Variants in LDAF1 observed in about 807,000 individuals in gnomAD.
LDAF1 encodes the protein lipid droplet assembly factor 1.
Under a neutral mutation model 13.5 loss-of-function variants are expected in LDAF1, and 7 were observed. The ratio of observed to expected loss-of-function variants is 0.52; its 90% CI spans 0.29 to 0.97. LDAF1 has a LOEUF of 0.97. Among genes scored for constraint, LDAF1 ranks in the 50% least tolerant of loss-of-function variants. LDAF1 has a pLI of 0.07. For missense variants in LDAF1, 148 were observed against 193.2 expected (o/e 0.77, Z 1.39); for synonymous variants, 69 against 77.1 (o/e 0.89, Z 0.55).
chr16:21,174,402 G>C (rs1214977643), intron 4 of LDAF1, among the ~76,000 whole-genome samples: 1 of 151,988 alleles, frequency 6.6e-6, no homozygotes, highest in Non-Finnish European at 1.5e-5. Flanking sequence ...TTGCTATGTT[G>C]CCCAGGCTGT....
At chr16:21,160,970 A>G in intron 1 of LDAF1, 115 bp from the exon 2 acceptor site, 1 of 1,280,018 alleles carries the variant, frequency 7.8e-7, no homozygotes, top group Non-Finnish European at 1.0e-6. Flanking sequence ...TGTTGTGAAT[A>G]TTGCCAGGTT....
At position 21,170,518 on chromosome 16, in the gene LDAF1, G is replaced by T; in HGVS notation, c.178G>T (p.Val60Phe). 6.2e-7 allele frequency: 1 copy of T among 1,614,142 alleles called. No homozygotes were observed. Among genetic ancestry groups the T allele is most frequent in the Non-Finnish European group, 8.5e-7 (1 of 1,180,032 alleles). ...FLAFTLLVFI[V>F]MSAVPVGFFL... ...GGCCTTCACCTTGCTGGTGTTCATT[G>T]TCATGTCGGCCGTTCCTGTTGGATT... Residue 60 changes from valine (V) to phenylalanine (F), a missense_variant, in exon 3 of 5, where the codon GTC becomes TTC. Val to Phe is a conservative substitution (Grantham distance 50). Transcript: ENST00000233047.
Position 21,160,121 on chromosome 16 carries a change from G to A in LDAF1, c.-98-964G>A, listed in dbSNP as rs567431286. 5.6e-5 allele frequency: 15 copies of A among 269,316 alleles called. No homozygotes were observed. In the South Asian group the frequency reaches 2.1e-3, roughly 38 times the overall value. 16.7% of individuals were successfully genotyped at this position (269,316 alleles called of 1,614,324 possible). ...ATTACCCCCTATATGATAAATAAAT[G>A]TGAGGATCTCTCAATTAATTTTGGC... is the stretch of plus-strand genomic sequence containing the variant. On this transcript the variant is annotated intron_variant, in intron 1 of 4. Coordinates refer to ENST00000233047, the MANE Select transcript of LDAF1 (RefSeq NM_001301771.2).
intron 2 of LDAF1, among the ~76,000 whole-genome samples, chr16:21,162,505 T>C (rs1306426348): frequency 1.3e-5 from 2 of 152,220 alleles, no homozygotes; most frequent in Non-Finnish European, 2.9e-5. Flanking sequence ...CTGTTAACAT[T>C]TTGTATGTCA....
chr16:21,173,950 G>C, intron 3 of LDAF1, 60 bp from the exon 4 acceptor site: 1 of 1,540,762 alleles, frequency 6.5e-7, no homozygotes, highest in East Asian at 2.3e-5. Context: ...CTGACCCAGG[G>C]TCTGCCAGTT....
At chr16:21,161,746 C>T (rs1319474649) in intron 2 of LDAF1, among the ~76,000 whole-genome samples, 2 of 152,120 alleles carry the variant, frequency 1.3e-5, no homozygotes, top group Non-Finnish European at 2.9e-5. Flanking sequence ...AAGCCTACTT[C>T]AAGATTTGAG....
intron 2 of LDAF1, among the ~76,000 whole-genome samples, chr16:21,168,496 A>T (rs1003316881): frequency 6.8e-6 from 1 of 147,516 alleles, no homozygotes; most frequent in Non-Finnish European, 1.5e-5. Flanking sequence ...TTTAATAATA[A>T]TGCTTTTAAT....
chr16:21,162,939 C>G (rs1304014899), intron 2 of LDAF1, among the ~76,000 whole-genome samples: 1 of 152,204 alleles, frequency 6.6e-6, no homozygotes, highest in African/African-American at 2.4e-5. Flanking sequence ...GCCTCCTGTT[C>G]ACAACATTTT....
intron 3 of LDAF1, chr16:21,172,648 A>G (rs1482390956): frequency 6.4e-6 from 1 of 155,134 alleles, no homozygotes; most frequent in Non-Finnish European, 1.4e-5. Flanking sequence ...AAAAAGAGAA[A>G]GAAAATGCAG....
chr16:21,160,737 A>G (rs2092963210), intron 1 of LDAF1, among the ~76,000 whole-genome samples: 1 of 152,188 alleles, frequency 6.6e-6, no homozygotes, highest in Admixed American at 6.5e-5. Flanking sequence ...CACATCACTA[A>G]ACAGTCACAC....
intron 2 of LDAF1, among the ~76,000 whole-genome samples, chr16:21,164,883 T>C (rs1179402286): frequency 6.6e-6 from 1 of 152,190 alleles, no homozygotes; most frequent in Non-Finnish European, 1.5e-5. Context: ...GTTTAAATAG[T>C]GTTAGGTCGT....
At chr16:21,159,517 T>C (rs1167189842) in intron 1 of LDAF1, 5 of 1,354,596 alleles carry the variant, frequency 3.7e-6, no homozygotes, top group Non-Finnish European at 5.2e-6. Context: ...GGTTCGGGGG[T>C]GGGAGGGCCA....
At chr16:21,163,710 T>C (rs2092998215) in intron 2 of LDAF1, among the ~76,000 whole-genome samples, 2 of 152,114 alleles carry the variant, frequency 1.3e-5, no homozygotes, top group Admixed American at 6.6e-5. Context: ...TAAATTTCAG[T>C]GAGGAGGCAA....
At chr16:21,177,670 G>A (rs913550189) in intron 4 of LDAF1, among the ~76,000 whole-genome samples, 5 of 130,248 alleles carry the variant, frequency 3.8e-5, no homozygotes, top group African/African-American at 1.3e-4. Flanking sequence ...CCAGGCTGGA[G>A]TGCAGTGGCT....
chr16:21,159,983 T>C (rs2092950237), intron 1 of LDAF1: 1 of 984,924 alleles, frequency 1.0e-6, no homozygotes, highest in Non-Finnish European at 1.2e-6. Context: ...AACTTTCCCC[T>C]CCAAAGGGTT....
rs369438251 is a variant in LDAF1 at position 21,159,914 on chromosome 16, C to T, written c.-99+1168C>T. ...TGCTGGGAACATCCCAAGTTCAAGA[C>T]CTACGCCAGAGGCAGCTTCAAAGAG... is the stretch of plus-strand genomic sequence containing the variant. On this transcript the variant is annotated intron_variant, in intron 1 of 4. Coordinates refer to ENST00000233047, the MANE Select transcript of LDAF1 (RefSeq NM_001301771.2). 24 of 985,260 alleles carry T rather than the reference C, an allele frequency of 2.4e-5. No homozygotes were observed. The South Asian group carries it at 1.0e-3, about 42-fold the overall frequency. 61.0% of individuals were successfully genotyped at this position (985,260 alleles called of 1,614,324 possible).
chr16:21,170,605 G>A lies in LDAF1; in HGVS notation c.265G>A (p.Gly89Arg). 6.2e-7 allele frequency: 1 copy of A among 1,614,110 alleles called. No individual in the cohort carries two copies. Among genetic ancestry groups the A allele is most frequent in the Non-Finnish European group, 8.5e-7 (1 of 1,180,022 alleles). The part of the protein sequence containing the change: ...AALLGVIILE[G>R]LVISVGGFSL... ...TCTGCTGGGGGTCATAATATTGGAAGGTAGCCTGTTCCGTCATTCACCCCT... is the reference window on the plus strand; with the variant it reads ...TCTGCTGGGGGTCATAATATTGGAAAGTAGCCTGTTCCGTCATTCACCCCT... Residue 89 changes from glycine to arginine, a missense_variant and splice_region_variant, in exon 3 of 5, where the codon GGA (glycine) becomes AGA (arginine). By Grantham distance (125) the Gly-to-Arg change is moderately radical. Coordinates refer to ENST00000233047, the MANE Select transcript of LDAF1 (RefSeq NM_001301771.2).
chr16:21,175,958 C>T (rs558164653), intron 4 of LDAF1, among the ~76,000 whole-genome samples: 3 of 152,252 alleles, frequency 2.0e-5, no homozygotes, highest in African/African-American at 7.2e-5. Context: ...TTGCCCAGGC[C>T]ATTCTCAAAC....
chr16:21,162,438 T>G (rs2092985563), intron 2 of LDAF1, among the ~76,000 whole-genome samples: 2 of 152,236 alleles, frequency 1.3e-5, no homozygotes, highest in African/African-American at 4.8e-5. Flanking sequence ...TATTGCTTTC[T>G]TCTATATGTC....
Sources: gnomAD v4.1 joint callset for allele counts (sites outside exome capture counted in the v4.1 genomes callset) on GRCh38, gnomAD v4.1.1 for gene constraint, MANE v1.5 for transcripts, NCBI Gene and HGNC (gene_info 2026-07-23, HGNC 2026-07-21) for gene names.